Variants in NLGN1 observed in about 807,000 individuals in gnomAD.
NLGN1 encodes the protein neuroligin-1.
NLGN1 carries 12 observed loss-of-function variants against 65.5 expected under a neutral mutation model. The ratio of observed to expected loss-of-function variants is 0.18; its 90% CI spans 0.12 to 0.30. The LOEUF is 0.30. Among genes scored for constraint, NLGN1 ranks in the 10% least tolerant of loss-of-function variants. The pLI, the probability that NLGN1 is intolerant of heterozygous loss-of-function variation, is 1.00. For synonymous variants in NLGN1, 350 were observed against 359.5 expected (o/e 0.97, Z 0.30); for missense variants, 750 against 1,007.1 (o/e 0.74, Z 3.46).
At chr3:173,481,383 C>A (rs112822822) in intron 2 of NLGN1, among the ~76,000 whole-genome samples, 1 of 151,808 alleles carries the variant, frequency 6.6e-6, no homozygotes, top group Non-Finnish European at 1.5e-5. Flanking sequence ...GAACTAATAA[C>A]GATTATTCAT....
At chr3:173,511,156 C>G (rs1029739567) in intron 2 of NLGN1, among the ~76,000 whole-genome samples, 5 of 152,156 alleles carry the variant, frequency 3.3e-5, no homozygotes, top group African/African-American at 1.2e-4. Context: ...CCAGCTATTC[C>G]TTTAGACCAG....
At chr3:174,117,292 A>G (rs562787389) in intron 4 of NLGN1, among the ~76,000 whole-genome samples, 77 of 151,830 alleles carry the variant, frequency 5.1e-4, no homozygotes, top group African/African-American at 1.7e-3. Context: ...GAGTTTATAT[A>G]TATAATATAT....
At chr3:173,606,776 T>G (rs189058703) in intron 3 of NLGN1, among the ~76,000 whole-genome samples, 1 of 152,126 alleles carries the variant, frequency 6.6e-6, no homozygotes, top group African/African-American at 2.4e-5. Context: ...CATTCTTTAT[T>G]GATGTTATGA....
intron 2 of NLGN1, among the ~76,000 whole-genome samples, chr3:173,496,189 A>G (rs1259787865): frequency 6.6e-6 from 1 of 151,480 alleles, no homozygotes; most frequent in Non-Finnish European, 1.5e-5. Flanking sequence ...GTCTTCATAC[A>G]CTTTATATTC....
chr3:173,520,042 A>G (rs1734500184), intron 2 of NLGN1, among the ~76,000 whole-genome samples: 2 of 151,966 alleles, frequency 1.3e-5, no homozygotes, highest in Admixed American at 6.6e-5. Context: ...TCTTGTGAGG[A>G]TTGGTTGTTT....
intron 3 of NLGN1, among the ~76,000 whole-genome samples, chr3:173,622,170 GCTGT>G (rs1218836996): frequency 5.3e-5 from 8 of 152,092 alleles, no homozygotes; most frequent in Non-Finnish European, 7.4e-5. Flanking sequence ...ACTGCCATAG[GCTGT>G]CTGAGTATAA....
At chr3:174,022,974 T>C (rs538726890) in intron 4 of NLGN1, among the ~76,000 whole-genome samples, 12 of 152,288 alleles carry the variant, frequency 7.9e-5, no homozygotes, top group South Asian at 2.1e-4. Flanking sequence ...CTGAATTATG[T>C]TATACTTCAA....
At chr3:173,652,429 G>A (rs1446066031) in intron 3 of NLGN1, among the ~76,000 whole-genome samples, 1 of 152,044 alleles carries the variant, frequency 6.6e-6, no homozygotes, top group Non-Finnish European at 1.5e-5. Context: ...ATTCCATCTT[G>A]AGTTGATTTT....
intron 2 of NLGN1, among the ~76,000 whole-genome samples, chr3:173,567,416 G>A (rs962246419): frequency 6.6e-6 from 1 of 151,772 alleles, no homozygotes; most frequent in South Asian, 2.1e-4. Context: ...TTAAAAGTCT[G>A]TTATACTAGC....
At chr3:174,074,739 G>A (rs1740557933) in intron 4 of NLGN1, among the ~76,000 whole-genome samples, 1 of 152,140 alleles carries the variant, frequency 6.6e-6, no homozygotes, top group Admixed American at 6.6e-5. Context: ...ACGTAGTTGT[G>A]GATGATTCTT....
Position 173,521,818 on chromosome 3 carries a change from A to C in NLGN1, c.-320-82461A>C, listed in dbSNP as rs562422502. ...TCTACAGCATTAAGAACAGTCACAG[A>C]GCTTCTAATGACAGCAGGATTTGGG... On this transcript the variant is annotated intron_variant, in intron 2 of 6. Coordinates refer to ENST00000457714, the Ensembl canonical transcript of NLGN1. 2.6e-5 allele frequency among the ~76,000 whole-genome samples: 4 copies of C among 152,376 alleles called. No individual in the cohort carries two copies. The South Asian group carries it at 8.3e-4, about 32-fold the overall frequency.
At chr3:173,962,810 G>C (rs138626564) in intron 4 of NLGN1, among the ~76,000 whole-genome samples, 25 of 152,196 alleles carry the variant, frequency 1.6e-4, no homozygotes, top group Non-Finnish European at 2.9e-4. Context: ...AATTTTGAAA[G>C]TTGATGCTCA....
chr3:173,993,177 G>A (rs1161936970), intron 4 of NLGN1, among the ~76,000 whole-genome samples: 1 of 152,128 alleles, frequency 6.6e-6, no homozygotes, highest in Non-Finnish European at 1.5e-5. Context: ...ATACACAGTT[G>A]GAATTCTGTA....
At chr3:173,605,156 A>T (rs1751176661) in intron 3 of NLGN1, 65 bp downstream of exon 2, 1 of 1,333,604 alleles carries the variant, frequency 7.5e-7, no homozygotes, top group Admixed American at 2.3e-5. Context: ...AAGTTCTAAC[A>T]ATATTAATTC....
chr3:173,977,214 G>T (rs1284597141), intron 4 of NLGN1, among the ~76,000 whole-genome samples: 2 of 151,870 alleles, frequency 1.3e-5, no homozygotes, highest in Non-Finnish European at 2.9e-5. Context: ...ATTTGACATT[G>T]CCAAGTAGGT....
chr3:173,582,388 T>G (rs114514695), intron 2 of NLGN1, among the ~76,000 whole-genome samples: 4,796 of 152,186 alleles, frequency 0.032, 124 homozygotes, highest in Middle Eastern at 0.15. Context: ...AATGTTCAAC[T>G]ATTGCTAAAC....
intron 4 of NLGN1, among the ~76,000 whole-genome samples, chr3:174,220,737 T>C (rs888386208): frequency 6.6e-6 from 1 of 152,112 alleles, no homozygotes; most frequent in Non-Finnish European, 1.5e-5. Flanking sequence ...TATTTACACA[T>C]GGTTGTGCTT....
At chr3:173,407,232 A>G (rs986810180) in intron 1 of NLGN1, among the ~76,000 whole-genome samples, 1 of 152,216 alleles carries the variant, frequency 6.6e-6, no homozygotes, top group East Asian at 1.9e-4. Flanking sequence ...TGTAAAACAT[A>G]TTGTACAAAG....
chr3:173,450,046 C>G (rs1721183852), intron 2 of NLGN1, among the ~76,000 whole-genome samples: 1 of 152,160 alleles, frequency 6.6e-6, no homozygotes, highest in Non-Finnish European at 1.5e-5. Flanking sequence ...TTAATTGGAG[C>G]ATTTAGGCCA....
Sources: allele counts gnomAD v4.1 joint callset (sites outside exome capture counted in the v4.1 genomes callset), GRCh38; gene constraint gnomAD v4.1.1; transcripts MANE v1.5; gene names NCBI Gene and HGNC (gene_info 2026-07-23, HGNC 2026-07-21).